Variants in PRRG1 observed in about 807,000 individuals in gnomAD.
PRRG1 encodes the protein proline rich and Gla domain 1, also known as transmembrane gamma-carboxyglutamic acid protein 1.
Under a neutral mutation model 11.8 loss-of-function variants are expected in PRRG1, and 5 were observed. The ratio of observed to expected loss-of-function variants is 0.42; its 90% CI spans 0.22 to 0.89. The LOEUF (loss-of-function observed/expected upper bound fraction) is 0.89. PRRG1 is among the 40% of genes least tolerant of loss of function. PRRG1 has a pLI of 0.28. For missense variants in PRRG1, 155 were observed against 166.1 expected (o/e 0.93, Z 0.37); for synonymous variants, 66 against 60.4 (o/e 1.09, Z -0.43).
At chrX:37,447,024 T>A (rs1933089790) in intron 3 of PRRG1, among the ~76,000 whole-genome samples, 1 of 111,256 alleles carries the variant, frequency 9.0e-6, no homozygotes, top group African/African-American at 3.3e-5. Flanking sequence ...TAATTTAACT[T>A]CCAACATGAG....
chrX:37,369,296 T>G (rs1473490740), intron 1 of PRRG1, among the ~76,000 whole-genome samples: 1 of 112,300 alleles, frequency 8.9e-6, no homozygotes, highest in Non-Finnish European at 1.9e-5. Flanking sequence ...TTGCTGAATA[T>G]AAAATTCTGG....
intron 3 of PRRG1, among the ~76,000 whole-genome samples, chrX:37,434,289 C>A (rs1199740856): frequency 8.9e-6 from 1 of 111,920 alleles, no homozygotes; most frequent in African/African-American, 3.2e-5. Flanking sequence ...TCACGGTCCT[C>A]ATTTTCATCA....
intron 2 of PRRG1, among the ~76,000 whole-genome samples, chrX:37,414,994 G>A (rs1425859255): frequency 8.9e-6 from 1 of 112,378 alleles, no homozygotes; most frequent in Non-Finnish European, 1.9e-5. Context: ...CATATGAAAT[G>A]GCCTTCAAAA....
chrX:37,377,434 T>C lies in PRRG1; in HGVS notation c.-42+28039T>C, dbSNP rs192628204. 8.2e-4 allele frequency among the ~76,000 whole-genome samples: 92 copies of C among 112,052 alleles called. 1 individual carries two copies. Among genetic ancestry groups the C allele is most frequent in the African/African-American group, 2.6e-3 (80 of 30,923 alleles). On this transcript the variant is annotated intron_variant, in intron 1 of 3. Transcript: ENST00000378628. ...TTATAGAGAGTCTCAAGTAATTAAG[T>C]GTGTAGCGTAGCAAATAATGACTTT...
chrX:37,431,821 G>T (rs1556390269), intron 3 of PRRG1, among the ~76,000 whole-genome samples: 1 of 110,952 alleles, frequency 9.0e-6, no homozygotes, highest in Non-Finnish European at 1.9e-5. Flanking sequence ...AGGCTGGAGT[G>T]AAGTGGTGCA....
In PRRG1 at chrX:37,411,646, T is replaced by A. The variant is rs367670989; in HGVS notation, c.10+5387T>A. On this transcript the variant is annotated intron_variant, in intron 2 of 3. Coordinates refer to ENST00000378628, the MANE Select transcript of PRRG1 (RefSeq NM_001142395.2). ...CTATTACTGAATCTTCTAAGTGCTG[T>A]AGTTTGTGGTATCTGCTAGCCTCAT... Among the ~76,000 whole-genome samples the A allele has an allele frequency of 2.7e-5, 3 of 111,984 alleles. No individual in the cohort carries two copies. The South Asian group carries it at 1.1e-3, about 41-fold the overall frequency.
intron 3 of PRRG1, chrX:37,441,816 C>G (rs1053323055): frequency 1.0e-5 from 8 of 785,759 alleles, no homozygotes; most frequent in Non-Finnish European, 1.2e-5. Context: ...AGAGCAGGCT[C>G]GAGGCCATGG....
chrX:37,404,002 A>T (rs1277273662), intron 1 of PRRG1, among the ~76,000 whole-genome samples: 1 of 112,123 alleles, frequency 8.9e-6, no homozygotes, highest in Non-Finnish European at 1.9e-5. Context: ...TGTTGTCTCC[A>T]CCATGCTGAC....
At chrX:37,408,110 G>A (rs375314530) in intron 2 of PRRG1, among the ~76,000 whole-genome samples, 1 of 111,810 alleles carries the variant, frequency 8.9e-6, no homozygotes, top group South Asian at 3.8e-4. Context: ...GCCACGTCCT[G>A]CCCGCAAATC....
At chrX:37,411,200 T>C (rs782032311) in intron 2 of PRRG1, among the ~76,000 whole-genome samples, 2 of 112,104 alleles carry the variant, frequency 1.8e-5, no homozygotes, top group South Asian at 7.4e-4. Context: ...TATTAGGTTT[T>C]ATAAGTAATC....
At chrX:37,355,088 TA>T (rs1219033759) in intron 1 of PRRG1, among the ~76,000 whole-genome samples, 2 of 110,536 alleles carry the variant, frequency 1.8e-5, no homozygotes, top group East Asian at 5.7e-4. Context: ...ATTTTTAAAT[TA>T]AAAATTTTTT....
chrX:37,394,106 G>A (rs1931637011), intron 1 of PRRG1, among the ~76,000 whole-genome samples: 1 of 112,295 alleles, frequency 8.9e-6, no homozygotes, highest in South Asian at 3.6e-4. Context: ...AAGTCTTTTT[G>A]TACCTATCTC....
chrX:37,412,866 T>C (rs1932386553), intron 2 of PRRG1, among the ~76,000 whole-genome samples: 1 of 111,714 alleles, frequency 9.0e-6, no homozygotes. Flanking sequence ...TGATTTTTTT[T>C]AATGGAGGCA....
intron 2 of PRRG1, among the ~76,000 whole-genome samples, chrX:37,424,862 T>C (rs1476591565): frequency 2.7e-5 from 3 of 111,541 alleles, no homozygotes; most frequent in Non-Finnish European, 3.8e-5. Context: ...CATAAAAAGT[T>C]TTTCATTTCC....
intron 2 of PRRG1, among the ~76,000 whole-genome samples, chrX:37,424,727 A>G (rs1932753919): frequency 9.1e-6 from 1 of 110,368 alleles, no homozygotes; most frequent in African/African-American, 3.3e-5. Flanking sequence ...AGCTGGTGTC[A>G]ATTTGGATAC....
chrX:37,393,965 G>A (rs1931630574), intron 1 of PRRG1, among the ~76,000 whole-genome samples: 2 of 111,886 alleles, frequency 1.8e-5, no homozygotes, highest in Non-Finnish European at 1.9e-5. Context: ...AAGTCATCGA[G>A]TTTTAATGTT....
At chrX:37,422,872 G>GTA (rs1356827484) in intron 2 of PRRG1, among the ~76,000 whole-genome samples, 1 of 111,206 alleles carries the variant, frequency 9.0e-6, no homozygotes, top group African/African-American at 3.3e-5. Flanking sequence ...TCATATAACA[G>GTA]TATAGTACAT....
rs185930841 is a variant in PRRG1 at position 37,411,552 on chromosome X, C to T, written c.10+5293C>T. 5.6e-4 allele frequency among the ~76,000 whole-genome samples: 63 copies of T among 111,670 alleles called. No homozygotes were observed. In the East Asian group the frequency reaches 0.015, roughly 26 times the overall value. On this transcript the variant is annotated intron_variant, in intron 2 of 3. Coordinates refer to ENST00000378628, the MANE Select transcript of PRRG1 (RefSeq NM_001142395.2). ...GATTATTGTTTTTATTACAGTGTTT[C>T]GGTAGAATTTGATTTTTAAAAATAT...
At chrX:37,412,604 AAATTCTTATCTTCAGAATTTTATAACAGT>A (rs1356785174) in intron 2 of PRRG1, among the ~76,000 whole-genome samples, 1 of 111,230 alleles carries the variant, frequency 9.0e-6, no homozygotes, top group East Asian at 2.8e-4. Context: ...AATTTATTAT[AAATTCTTATCTTCAGAATTTTATAACAGT>A]AATACGAATT....
Sources: allele counts gnomAD v4.1 joint callset (sites outside exome capture counted in the v4.1 genomes callset), GRCh38; gene constraint gnomAD v4.1.1; transcripts MANE v1.5; gene names NCBI Gene and HGNC (gene_info 2026-07-23, HGNC 2026-07-21).